Variants in EVA1C observed in about 807,000 individuals in gnomAD.
EVA1C encodes the protein protein eva-1 homolog C.
A neutral mutation model predicts 45.4 loss-of-function variants in EVA1C; 25 were observed. The observed-to-expected ratio is 0.55, with a 90% CI of 0.40 to 0.77. The LOEUF (loss-of-function observed/expected upper bound fraction) is 0.77. EVA1C is among the 30% of genes least tolerant of loss of function. The pLI is 0.00. For synonymous variants in EVA1C, 190 were observed against 221.2 expected, an observed-to-expected ratio of 0.86 and a Z score of 1.25; for missense variants, 479 against 554.8, an observed-to-expected ratio of 0.86 and a Z score of 1.37.
intron 6 of EVA1C, among the ~76,000 whole-genome samples, chr21:32,502,957 A>ACC (rs1181945228): frequency 1.3e-5 from 2 of 152,092 alleles, no homozygotes; most frequent in East Asian, 3.9e-4. Context: ...CAGGGTTCCC[A>ACC]CCCGATCCAT....
At chr21:32,422,510 T>C (rs2034319913) in intron 1 of EVA1C, among the ~76,000 whole-genome samples, 1 of 152,104 alleles carries the variant, frequency 6.6e-6, no homozygotes, top group African/African-American at 2.4e-5. Flanking sequence ...ATAAAATAAA[T>C]TTATACCTGA....
chr21:32,466,043 T>C (rs1310360027), intron 3 of EVA1C, among the ~76,000 whole-genome samples: 2 of 152,210 alleles, frequency 1.3e-5, no homozygotes, highest in Non-Finnish European at 2.9e-5. Flanking sequence ...TCTAAAGGTT[T>C]GCCTCCTCTG....
At chr21:32,444,287 C>G (rs916813501) in intron 1 of EVA1C, among the ~76,000 whole-genome samples, 4 of 152,170 alleles carry the variant, frequency 2.6e-5, no homozygotes, top group African/African-American at 9.7e-5. Context: ...CAGAATGAGT[C>G]TCGGTCCCCA....
chr21:32,486,415 G>A (rs1384256957), intron 4 of EVA1C, among the ~76,000 whole-genome samples: 1 of 152,158 alleles, frequency 6.6e-6, no homozygotes, highest in Non-Finnish European at 1.5e-5. Context: ...GTGAGCCACC[G>A]CACCCGGCCC....
At chr21:32,433,034 G>C (rs1011558084) in intron 1 of EVA1C, 3 of 152,276 alleles carry the variant, frequency 2.0e-5, no homozygotes, top group Non-Finnish European at 2.9e-5. Context: ...GCCCACCTCT[G>C]TCTTTTCTCT....
At chr21:32,489,029 G>A (rs1221583839) in intron 4 of EVA1C, among the ~76,000 whole-genome samples, 1 of 152,222 alleles carries the variant, frequency 6.6e-6, no homozygotes, top group East Asian at 1.9e-4. Flanking sequence ...TATAAGCTTT[G>A]AGAATATTTT....
intron 4 of EVA1C, among the ~76,000 whole-genome samples, chr21:32,479,723 G>A (rs1467400645): frequency 1.3e-5 from 2 of 151,638 alleles, no homozygotes; most frequent in Non-Finnish European, 2.9e-5. Flanking sequence ...GGCCAAGGTG[G>A]GAGGATCACT....
intron 1 of EVA1C, among the ~76,000 whole-genome samples, chr21:32,440,980 T>C (rs922895593): frequency 1.3e-5 from 2 of 152,172 alleles, no homozygotes; most frequent in Non-Finnish European, 2.9e-5. Flanking sequence ...CACATGCCTG[T>C]AATCCCAGCT....
intron 3 of EVA1C, among the ~76,000 whole-genome samples, chr21:32,458,598 C>T (rs2146269781): frequency 6.6e-6 from 1 of 152,036 alleles, no homozygotes; most frequent in African/African-American, 2.4e-5. Context: ...TCTCCTGCCT[C>T]AGCTTCCTGA....
chr21:32,475,919 C>CTATCTATCTAT (rs2036545166), intron 4 of EVA1C, among the ~76,000 whole-genome samples: 1 of 148,678 alleles, frequency 6.7e-6, no homozygotes, highest in Admixed American at 6.7e-5. Context: ...ATCTATCTAT[C>CTATCTATCTAT]TATCTATCTA....
At chr21:32,479,847 C>CTA (rs1555870011) in intron 4 of EVA1C, among the ~76,000 whole-genome samples, 4 of 146,706 alleles carry the variant, frequency 2.7e-5, no homozygotes, top group African/African-American at 1.0e-4. Context: ...CCCAGCTACT[C>CTA]TTTTTTTTTT....
At chr21:32,416,109 A>G (rs1383408643) in intron 1 of EVA1C, among the ~76,000 whole-genome samples, 1 of 103,008 alleles carries the variant, frequency 9.7e-6, no homozygotes, top group Admixed American at 1.2e-4. Flanking sequence ...AGTAGCAGCC[A>G]TAAAAAGCAA....
At chr21:32,439,894 A>G (rs3859698) in intron 1 of EVA1C, among the ~76,000 whole-genome samples, 23,823 of 152,108 alleles carry the variant, frequency 0.16, 2,212 homozygotes, top group Admixed American at 0.24. Flanking sequence ...AAATTACCAT[A>G]TAATCTTCCA....
upstream of EVA1C, chr21:32,412,435 C>A (rs899339449): frequency 1.3e-5 from 2 of 156,866 alleles, no homozygotes; most frequent in Admixed American, 1.3e-4. Flanking sequence ...CCGGCTGTTT[C>A]CCGGGTGTGG....
At chr21:32,434,407 T>C (rs2034844893) in intron 1 of EVA1C, among the ~76,000 whole-genome samples, 1 of 150,404 alleles carries the variant, frequency 6.6e-6, no homozygotes, top group Non-Finnish European at 1.5e-5. Context: ...CTGGCTAACA[T>C]GGTGAAACCC....
At chr21:32,477,711 ACGCCCTCACCTC>A (rs2036617719) in intron 4 of EVA1C, among the ~76,000 whole-genome samples, 2 of 64,226 alleles carry the variant, frequency 3.1e-5, no homozygotes, top group Non-Finnish European at 6.3e-5. Flanking sequence ...CCTCCCCCGT[ACGCCCTCACCTC>A]CCCCGTACGC....
rs1031049855 is a variant in EVA1C at position 32,514,550 on chromosome 21, C to A, written c.950-264C>A. ...ACTGAGTGGCAGACCTGAGTTTGAACTCAGAGGAGTCTGGCTCCTGAGCCC... is the reference window on the plus strand; with the variant it reads ...ACTGAGTGGCAGACCTGAGTTTGAAATCAGAGGAGTCTGGCTCCTGAGCCC... On this transcript the variant is annotated intron_variant, in intron 7 of 7. Transcript: ENST00000300255. 3.3e-5 allele frequency among the ~76,000 whole-genome samples: 5 copies of A among 152,322 alleles called. No individual in the cohort carries two copies. In the East Asian group the frequency reaches 9.6e-4, roughly 29 times the overall value.
chr21:32,457,217 T>TG (rs2035815664), intron 2 of EVA1C, among the ~76,000 whole-genome samples: 1 of 152,196 alleles, frequency 6.6e-6, no homozygotes, highest in Non-Finnish European at 1.5e-5. Context: ...AGCTTAAAGC[T>TG]AGGGGACCCC....
chr21:32,481,548 C>T (rs1175117414), intron 4 of EVA1C, among the ~76,000 whole-genome samples: 2 of 150,790 alleles, frequency 1.3e-5, no homozygotes, highest in East Asian at 3.9e-4. Context: ...AAGGATATGT[C>T]TTTACTCCTA....
Sources: allele counts gnomAD v4.1 joint callset (sites outside exome capture counted in the v4.1 genomes callset), GRCh38; gene constraint gnomAD v4.1.1; transcripts MANE v1.5; gene names NCBI Gene and HGNC (gene_info 2026-07-23, HGNC 2026-07-21).